The following EPB41 variants were observed in gnomAD, a reference collection of about 807,000 sequenced individuals.
The protein encoded by EPB41 is protein 4.1.
EPB41 carries 65 observed loss-of-function variants against 108.0 expected under a neutral mutation model. That is an observed-to-expected ratio of 0.60 (90% CI 0.49 to 0.74). EPB41 has a LOEUF of 0.74. EPB41 is among the 30% of genes least tolerant of loss of function. EPB41 has a pLI of 0.00. For missense variants in EPB41, 875 were observed against 1,037.0 expected, an observed-to-expected ratio of 0.84 and a Z score of 2.15; for synonymous variants, 336 against 358.9, an observed-to-expected ratio of 0.94 and a Z score of 0.72.
chr1:29,089,748 A>G (rs547530304), intron 16 of EPB41, among the ~76,000 whole-genome samples: 3 of 152,278 alleles, frequency 2.0e-5, no homozygotes, highest in Non-Finnish European at 1.5e-5. Flanking sequence ...CTGGAGAGAG[A>G]GGTAAGGGTC....
intron 1 of EPB41, among the ~76,000 whole-genome samples, chr1:28,898,561 G>A (rs2090952746): frequency 6.6e-6 from 1 of 152,220 alleles, no homozygotes; most frequent in Admixed American, 6.5e-5. Flanking sequence ...CCATAAACAG[G>A]AGCTAATTAA....
At chr1:29,071,761 TGC>T (rs1651578659) in intron 16 of EPB41, 2 of 152,210 alleles carry the variant, frequency 1.3e-5, no homozygotes, top group Non-Finnish European at 2.9e-5. Flanking sequence ...GAAGAAACCT[TGC>T]ATGTAGCTTG....
intron 1 of EPB41, among the ~76,000 whole-genome samples, chr1:28,931,686 G>A (rs2093755408): frequency 6.6e-6 from 1 of 151,338 alleles, no homozygotes; most frequent in African/African-American, 2.4e-5. Flanking sequence ...CCGCCACCAC[G>A]TCTGGCTGAT....
In EPB41 at chr1:28,887,410, C is replaced by G; in HGVS notation, c.-8+200C>G. ...AAAGGAGTCTGGGCATCTTAAAGTT[C>G]AGGGTGCAGGGAGGGGCGTGGGAGT... On this transcript the variant is annotated intron_variant, in intron 1 of 16. Transcript: ENST00000347529. This position sits in a 1 kb window ranked among gnomAD's most constrained non-coding sequence, Gnocchi z 4.9. The G allele has an allele frequency of 1.0e-6, 1 of 985,362 alleles. No homozygotes were observed. The highest frequency in any genetic ancestry group is 1.2e-6 in the Non-Finnish European group (1 of 829,898). The allele number at this position is 985,362 out of a possible 1,614,324, so 61.0% of individuals were successfully genotyped here.
At chr1:28,974,800 G>GT (rs548377174) in intron 1 of EPB41, among the ~76,000 whole-genome samples, 18,931 of 143,722 alleles carry the variant, frequency 0.13, 1,654 homozygotes, top group African/African-American at 0.26. Context: ...TTTTGTTTTT[G>GT]TTTTTTTTTT....
intron 1 of EPB41, among the ~76,000 whole-genome samples, chr1:28,948,707 T>G (rs1017432026): frequency 1.1e-4 from 17 of 152,128 alleles, no homozygotes; most frequent in African/African-American, 4.1e-4. Context: ...TCCTAGCACT[T>G]TGGGAGGCCA....
chr1:28,997,093 A>G, intron 3 of EPB41, 122 bp from the exon 4 acceptor site: 1 of 751,658 alleles, frequency 1.3e-6, no homozygotes, highest in Non-Finnish European at 2.4e-6. Flanking sequence ...TTGAGGCTGC[A>G]GTGAGCTATG....
intron 16 of EPB41, among the ~76,000 whole-genome samples, chr1:29,073,560 C>T (rs1164119384): frequency 2.0e-5 from 3 of 152,178 alleles, no homozygotes; most frequent in African/African-American, 7.2e-5. Flanking sequence ...TTATTTCCAT[C>T]TACTCCTTAT....
intron 1 of EPB41, among the ~76,000 whole-genome samples, chr1:28,972,301 T>C (rs1204432885): frequency 1.3e-5 from 2 of 152,194 alleles, no homozygotes; most frequent in Non-Finnish European, 2.9e-5. Context: ...ATTGTCCTCA[T>C]TGATGCTCAG....
At position 29,083,672 on chromosome 1, in the gene EPB41, C is replaced by T. The variant is rs539771541; in HGVS notation, c.2185-14135C>T. On this transcript the variant is annotated intron_variant, in intron 16 of 20. Coordinates refer to ENST00000343067, the MANE Select transcript of EPB41 (RefSeq NM_001376013.1). ...TGTTTTAATCATCAGGCTAATGTGC[C>T]TACTGATTATTATACAACCTAGGGA... Among the ~76,000 whole-genome samples, 34 of 152,170 alleles carry T rather than the reference C, an allele frequency of 2.2e-4. No homozygotes were observed. In the South Asian group the frequency reaches 3.7e-3, roughly 17 times the overall value.
At chr1:29,092,584 C>T (rs778275049) in intron 16 of EPB41, among the ~76,000 whole-genome samples, 10 of 152,048 alleles carry the variant, frequency 6.6e-5, no homozygotes, top group Non-Finnish European at 1.2e-4. Context: ...TAGGTACACG[C>T]GCAGGTTTGT....
chr1:28,910,675 T>C (rs1360179126), upstream of EPB41, among the ~76,000 whole-genome samples: 1 of 152,224 alleles, frequency 6.6e-6, no homozygotes, highest in Non-Finnish European at 1.5e-5. Flanking sequence ...CACCCTCTTA[T>C]GTGCAGCTGG....
chr1:29,089,164 C>T (rs1265574031), intron 16 of EPB41, among the ~76,000 whole-genome samples: 2 of 152,132 alleles, frequency 1.3e-5, no homozygotes, highest in Non-Finnish European at 2.9e-5. Flanking sequence ...AAGTGATTAG[C>T]ACAGCACCTG....
At chr1:29,029,801 T>G (rs2096766026) in intron 7 of EPB41, among the ~76,000 whole-genome samples, 1 of 152,200 alleles carries the variant, frequency 6.6e-6, no homozygotes. Flanking sequence ...TCTATGTGCT[T>G]CCGTGAACCA....
At chr1:29,106,068 G>C (rs1484141713) in intron 17 of EPB41, among the ~76,000 whole-genome samples, 1 of 152,100 alleles carries the variant, frequency 6.6e-6, no homozygotes, top group African/African-American at 2.4e-5. Flanking sequence ...TGTTGTGGGC[G>C]TTTCATTTAT....
chr1:29,097,693 T>G (rs1309170461), intron 16 of EPB41, 114 bp from the exon 17 acceptor site: 4 of 1,293,582 alleles, frequency 3.1e-6, no homozygotes, highest in Non-Finnish European at 4.5e-6. Context: ...CTTTGTAGAT[T>G]GAGCTAGCTC....
chr1:28,970,299 T>A lies in EPB41; in HGVS notation c.-7-17132T>A, dbSNP rs140980697. Among the ~76,000 whole-genome samples the A allele has an allele frequency of 3.7e-3, 570 of 152,332 alleles. 6 individuals carry two copies. Among genetic ancestry groups the A allele is most frequent in the African/African-American group, 0.013 (529 of 41,570 alleles). ...CACTTGTATTCTTACTAGATGATAT[T>A]TGATAGTTAATTTACTGTAGTTTTC... On this transcript the variant is annotated intron_variant, in intron 1 of 20. Coordinates refer to ENST00000343067, the MANE Select transcript of EPB41 (RefSeq NM_001376013.1).
chr1:28,945,238 G>C (rs2094451478), intron 1 of EPB41, among the ~76,000 whole-genome samples: 1 of 151,952 alleles, frequency 6.6e-6, no homozygotes, highest in East Asian at 1.9e-4. Flanking sequence ...TGAAGTCTCT[G>C]TTGTTACTTG....
chr1:29,036,789 C>T (rs1419733260), intron 10 of EPB41, among the ~76,000 whole-genome samples: 1 of 151,676 alleles, frequency 6.6e-6, no homozygotes, highest in Non-Finnish European at 1.5e-5. Context: ...AATTCTCCTG[C>T]CCCAGTCTCC....
Sources: allele counts gnomAD v4.1 joint callset (sites outside exome capture counted in the v4.1 genomes callset), GRCh38; gene constraint gnomAD v4.1.1; non-coding constraint Gnocchi (gnomAD v3.1); transcripts MANE v1.5; gene names NCBI Gene and HGNC (gene_info 2026-07-23, HGNC 2026-07-21).